The following VIPR2 variants were observed in gnomAD, a reference collection of about 807,000 sequenced individuals.
VIPR2 encodes vasoactive intestinal peptide receptor 2.
VIPR2 carries 48 observed loss-of-function variants against 58.0 expected under a neutral mutation model. The ratio of observed to expected loss-of-function variants is 0.83; its 90% CI spans 0.66 to 1.05. The LOEUF (loss-of-function observed/expected upper bound fraction) is 1.05. Among genes scored for constraint, VIPR2 ranks in the 50% least tolerant of loss-of-function variants. The pLI, the probability that VIPR2 is intolerant of heterozygous loss-of-function variation, is 0.00. For missense variants in VIPR2, 534 were observed against 558.0 expected (o/e 0.96, Z 0.43); for synonymous variants, 243 against 235.2 (o/e 1.03, Z -0.30).
intron 9 of VIPR2, 25 bp downstream of exon 9, chr7:159,034,556 C>T: frequency 1.2e-6 from 2 of 1,603,906 alleles, no homozygotes; most frequent in African/African-American, 1.3e-5. Flanking sequence ...CACAGATAAT[C>T]CACATGTCAA....
chr7:159,076,143 T>C (rs538237086), intron 4 of VIPR2, among the ~76,000 whole-genome samples: 1 of 152,304 alleles, frequency 6.6e-6, no homozygotes, highest in East Asian at 1.9e-4. Flanking sequence ...AAATCCTCCG[T>C]GGGCCAGGAT....
chr7:159,076,861 T>C (rs1170988069), intron 4 of VIPR2, among the ~76,000 whole-genome samples: 1 of 152,228 alleles, frequency 6.6e-6, no homozygotes, highest in Non-Finnish European at 1.5e-5. Flanking sequence ...ATATTAGTTA[T>C]AATACAGACA....
chr7:159,067,708 G>A (rs749549173), intron 4 of VIPR2, among the ~76,000 whole-genome samples: 9 of 152,236 alleles, frequency 5.9e-5, no homozygotes, highest in Non-Finnish European at 1.2e-4. Context: ...ATTCCAGGGA[G>A]TGGCTCGGTC....
chr7:159,064,220 G>A (rs1855946841), intron 4 of VIPR2, among the ~76,000 whole-genome samples: 1 of 152,218 alleles, frequency 6.6e-6, no homozygotes, highest in African/African-American at 2.4e-5. Context: ...GGGCCAGGAG[G>A]GCTCCTTCTT....
intron 5 of VIPR2, among the ~76,000 whole-genome samples, chr7:159,055,267 T>C (rs527567257): frequency 1.5e-3 from 229 of 152,338 alleles, no homozygotes; most frequent in Middle Eastern, 3.4e-3. Context: ...AAGTTGTCTC[T>C]GGTGCCAGAA....
At chr7:159,069,984 C>G (rs887883174) in intron 4 of VIPR2, among the ~76,000 whole-genome samples, 1 of 152,040 alleles carries the variant, frequency 6.6e-6, no homozygotes, top group Non-Finnish European at 1.5e-5. Context: ...TGGAGTTTAC[C>G]CATGGGAATT....
chr7:159,112,435 C>T (rs1048966888), intron 2 of VIPR2, among the ~76,000 whole-genome samples: 3 of 152,220 alleles, frequency 2.0e-5, no homozygotes, highest in African/African-American at 7.2e-5. Flanking sequence ...AGCTGCCAGG[C>T]GGGAACACAG....
chr7:159,120,198 T>C (rs1206769758), intron 2 of VIPR2, among the ~76,000 whole-genome samples: 18 of 152,200 alleles, frequency 1.2e-4, no homozygotes, highest in Non-Finnish European at 2.6e-4. Context: ...CATCTCTGAA[T>C]GGGAAAAAAA....
chr7:159,120,212 C>T lies in VIPR2; in HGVS notation c.152-10293G>A, dbSNP rs116828243. ...ACATCTCTGAATGGGAAAAAAATTTCGTGTTTTTCTCACTGTATTTGTCAT... is the reference window on the plus strand; with the variant it reads ...ACATCTCTGAATGGGAAAAAAATTTTGTGTTTTTCTCACTGTATTTGTCAT... On this transcript the variant is annotated intron_variant, in intron 2 of 12. Coordinates refer to ENST00000262178, the MANE Select transcript of VIPR2 (RefSeq NM_003382.5). Among the ~76,000 whole-genome samples, 1,022 of 152,310 alleles carry T rather than the reference C, an allele frequency of 6.7e-3. 11 individuals carry two copies. Among genetic ancestry groups the T allele is most frequent in the African/African-American group, 0.023 (972 of 41,558 alleles).
intron 8 of VIPR2, among the ~76,000 whole-genome samples, chr7:159,034,928 C>A (rs947460147): frequency 6.6e-6 from 1 of 152,194 alleles, no homozygotes; most frequent in Non-Finnish European, 1.5e-5. Context: ...CCACTCTGAG[C>A]ATGAACGTGT....
chr7:159,050,038 T>C (rs574201825), intron 5 of VIPR2, among the ~76,000 whole-genome samples: 1 of 152,078 alleles, frequency 6.6e-6, no homozygotes, highest in East Asian at 1.9e-4. Context: ...AAAGCCAAGT[T>C]AAAAAGAAAA....
Position 159,092,066 on chromosome 7 carries a change from C to T in VIPR2, c.357+11691G>A, listed in dbSNP as rs538479472. Among the ~76,000 whole-genome samples the T allele has an allele frequency of 4.6e-5, 7 of 152,332 alleles. No homozygotes were observed. In the South Asian group the frequency reaches 1.2e-3, roughly 27 times the overall value. Reference sequence around the variant, plus strand: ...AAGATTATGCCGCTGAACTCCTGGGCAGCGGTTAGTCCCTCAGAAAACGGA... The same window carrying T: ...AAGATTATGCCGCTGAACTCCTGGGTAGCGGTTAGTCCCTCAGAAAACGGA... On this transcript the variant is annotated intron_variant, in intron 4 of 12. Transcript: ENST00000262178.
intron 4 of VIPR2, among the ~76,000 whole-genome samples, chr7:159,102,103 G>A (rs190492579): frequency 9.3e-5 from 12 of 129,512 alleles, no homozygotes; most frequent in African/African-American, 2.9e-4. Context: ...GTAGTGAACT[G>A]GTCTCACGAG....
intron 2 of VIPR2, among the ~76,000 whole-genome samples, chr7:159,110,290 C>T (rs925762681): frequency 7.9e-5 from 12 of 152,334 alleles, no homozygotes; most frequent in African/African-American, 2.4e-4. Context: ...TCTGTGGAAT[C>T]TGACTTCAAT....
intron 5 of VIPR2, among the ~76,000 whole-genome samples, chr7:159,050,354 CA>C (rs11302236): frequency 0.78 from 109,007 of 139,116 alleles, 43,355 homozygotes; most frequent in East Asian, 0.96. Flanking sequence ...CACAAAAAAA[CA>C]AAAAAAAAAA....
At chr7:159,063,976 G>A (rs999061853) in intron 4 of VIPR2, among the ~76,000 whole-genome samples, 1 of 151,370 alleles carries the variant, frequency 6.6e-6, no homozygotes, top group African/African-American at 2.4e-5. Flanking sequence ...TGGAGCACCC[G>A]GTGCTCACAC....
intron 4 of VIPR2, among the ~76,000 whole-genome samples, chr7:159,069,289 G>C (rs145809332): frequency 2.6e-5 from 4 of 152,078 alleles, no homozygotes; most frequent in African/African-American, 9.7e-5. Context: ...CAGGCGCTCC[G>C]AGTGAGGGTT....
rs1857887623 is a variant in VIPR2, at chr7:159,096,935, T to A, written c.357+6822A>T. The A allele has an allele frequency of 6.4e-7, 1 of 1,550,530 alleles. No individual in the cohort carries two copies. Among genetic ancestry groups the A allele is most frequent in the Non-Finnish European group, 8.7e-7 (1 of 1,147,032 alleles). ...ATCACTCGATGAGCCAATGCCCTCG[T>A]GGCTGGCATTGAGCTTGGCACCTGC... On this transcript the variant is annotated intron_variant, in intron 4 of 12. Transcript: ENST00000262178. This position sits in a 1 kb window ranked among gnomAD's most constrained non-coding sequence, Gnocchi z 5.5.
At chr7:159,091,399 T>A (rs79013638) in intron 4 of VIPR2, among the ~76,000 whole-genome samples, 1 of 152,348 alleles carries the variant, frequency 6.6e-6, no homozygotes, top group Non-Finnish European at 1.5e-5. Context: ...AATGAGCTAG[T>A]CCATGCAGAG....
Sources: allele counts gnomAD v4.1 joint callset (sites outside exome capture counted in the v4.1 genomes callset), GRCh38; gene constraint gnomAD v4.1.1; non-coding constraint Gnocchi (gnomAD v3.1); transcripts MANE v1.5; gene names NCBI Gene and HGNC (gene_info 2026-07-23, HGNC 2026-07-21).